The following GABRA3 variants were observed in gnomAD, a reference collection of about 807,000 sequenced individuals.
GABRA3 encodes gamma-aminobutyric acid receptor subunit alpha-3.
In GABRA3, 10 loss-of-function variants were observed where a neutral mutation model predicts 30.1. The ratio of observed to expected loss-of-function variants is 0.33; its 90% confidence interval spans 0.20 to 0.56. The LOEUF (loss-of-function observed/expected upper bound fraction) is 0.56, where lower values mean the gene tolerates loss of function less well. GABRA3 is among the 20% of genes least tolerant of loss of function. GABRA3 has a pLI of 0.89. For missense variants in GABRA3, 233 were observed against 392.0 expected, an observed-to-expected ratio of 0.59 and a Z score of 3.42; for synonymous variants, 151 against 146.8, an observed-to-expected ratio of 1.03 and a Z score of -0.21.
intron 3 of GABRA3, among the ~76,000 whole-genome samples, chrX:152,304,864 T>C (rs999677858): frequency 8.9e-6 from 1 of 111,869 alleles, no homozygotes; most frequent in African/African-American, 3.2e-5. Context: ...TAGCTTGATA[T>C]AGGAATAGTG....
chrX:152,449,616 T>C (rs1195947413), intron 1 of GABRA3, among the ~76,000 whole-genome samples: 2 of 110,782 alleles, frequency 1.8e-5, no homozygotes, highest in East Asian at 5.7e-4. Context: ...CCAGGCTGAG[T>C]TGCTGTTACT....
rs371322783 is a variant in GABRA3 at position 152,289,413 on chromosome X, G to A, written c.263-4678C>T. On this transcript the variant is annotated intron_variant, in intron 3 of 9. Coordinates refer to ENST00000370314, the MANE Select transcript of GABRA3 (RefSeq NM_000808.4). ...GAAAGTGATCCTTGTACCCCTGTCTGCTCTTCTTGTTTCTTTCCATACTAA... is the reference window on the plus strand; with the variant it reads ...GAAAGTGATCCTTGTACCCCTGTCTACTCTTCTTGTTTCTTTCCATACTAA... 4.7e-3 allele frequency among the ~76,000 whole-genome samples: 511 copies of A among 108,530 alleles called. 3 individuals are homozygous for A. Among genetic ancestry groups the A allele is most frequent in the African/African-American group, 0.016 (484 of 29,843 alleles). The allele number at this position is 108,530 out of a possible 115,157, so 94.2% of individuals were successfully genotyped here.
At chrX:152,338,326 GTCT>G (rs1310447350) in intron 3 of GABRA3, among the ~76,000 whole-genome samples, 8 of 112,102 alleles carry the variant, frequency 7.1e-5, no homozygotes, top group Non-Finnish European at 9.4e-5. Flanking sequence ...CCATTTGTAT[GTCT>G]TCTTCTGAGA....
Position 152,241,643 on chromosome X carries a change from T to C in GABRA3, c.551+14135A>G, listed in dbSNP as rs896834337. 1.2e-4 allele frequency among the ~76,000 whole-genome samples: 13 copies of C among 109,201 alleles called. 1 individual carries two copies. The highest frequency in any genetic ancestry group is 1.9e-4 in the Non-Finnish European group (10 of 52,014). 94.8% of individuals were successfully genotyped at this position (109,201 alleles called of 115,157 possible). ...GCAGTTTGATCTCAGACTGCTGTGC[T>C]AGCAATCAGCGAGATTCCGTGGGCG... On this transcript the variant is annotated intron_variant, in intron 5 of 9. Transcript: ENST00000370314.
intron 9 of GABRA3, among the ~76,000 whole-genome samples, chrX:152,179,511 T>G (rs1937117512): frequency 9.3e-6 from 1 of 108,065 alleles, no homozygotes; most frequent in African/African-American, 3.4e-5. Context: ...TTTTTTTTTT[T>G]TGAGATGGAG....
At chrX:152,290,514 T>A (rs1215384902) in intron 3 of GABRA3, among the ~76,000 whole-genome samples, 1 of 112,159 alleles carries the variant, frequency 8.9e-6, no homozygotes, top group Non-Finnish European at 1.9e-5. Flanking sequence ...GCTCTTTAGT[T>A]TAATTAGATC....
At chrX:152,381,164 G>A (rs1929134111) in intron 1 of GABRA3, among the ~76,000 whole-genome samples, 1 of 111,852 alleles carries the variant, frequency 8.9e-6, no homozygotes, top group Non-Finnish European at 1.9e-5. Context: ...CTGACACCAT[G>A]CTTCTTGCAC....
At chrX:152,418,129 C>T (rs887825140) in intron 1 of GABRA3, among the ~76,000 whole-genome samples, 4 of 110,781 alleles carry the variant, frequency 3.6e-5, no homozygotes, top group African/African-American at 6.6e-5. Flanking sequence ...CTAATAGTAC[C>T]GGCCATCAGA....
At chrX:152,319,982 TC>T (rs751772033) in intron 3 of GABRA3, among the ~76,000 whole-genome samples, 4 of 110,829 alleles carry the variant, frequency 3.6e-5, no homozygotes, top group Admixed American at 9.6e-5. Flanking sequence ...ATGCTCAACA[TC>T]ACTAATGATC....
intron 4 of GABRA3, among the ~76,000 whole-genome samples, chrX:152,266,362 T>C (rs776815265): frequency 8.9e-6 from 1 of 111,742 alleles, no homozygotes; most frequent in Non-Finnish European, 1.9e-5. Context: ...AGCATATCTA[T>C]AGAATGAAAG....
intron 7 of GABRA3, among the ~76,000 whole-genome samples, chrX:152,207,623 G>T (rs897375418): frequency 8.9e-6 from 1 of 112,071 alleles, no homozygotes; most frequent in Non-Finnish European, 1.9e-5. Context: ...CACAGGCTGA[G>T]TTAAGCAATT....
chrX:152,294,615 G>A (rs1226514584), intron 3 of GABRA3, among the ~76,000 whole-genome samples: 1 of 111,166 alleles, frequency 9.0e-6, no homozygotes, highest in Non-Finnish European at 1.9e-5. Flanking sequence ...CCACCCTTCT[G>A]AAGCCTACTT....
intron 3 of GABRA3, among the ~76,000 whole-genome samples, chrX:152,306,718 A>C (rs1939725449): frequency 1.8e-5 from 2 of 112,306 alleles, no homozygotes. Context: ...AACAAAACAA[A>C]ACCGTACCTT....
At chrX:152,330,864 G>C (rs779293271) in intron 3 of GABRA3, among the ~76,000 whole-genome samples, 2 of 111,161 alleles carry the variant, frequency 1.8e-5, no homozygotes, top group South Asian at 7.6e-4. Context: ...AAAGAAAACT[G>C]TTTCCTATGT....
chrX:152,450,992 G>A lies in GABRA3; in HGVS notation c.-27+154C>T, dbSNP rs891513362. ...AGATGCCGCCTCTGGGCTTCCACCA[G>A]CCCCACTGGGGAACCCAGGATAGCA... On this transcript the variant is annotated intron_variant, in intron 1 of 9. Coordinates refer to ENST00000370314, the MANE Select transcript of GABRA3 (RefSeq NM_000808.4). Among the ~76,000 whole-genome samples, 4 of 113,076 alleles carry A rather than the reference G, an allele frequency of 3.5e-5. No homozygotes were observed. In the East Asian group the frequency reaches 1.1e-3, roughly 32 times the overall value.
rs73623026 is a variant in GABRA3 at position 152,285,842 on chromosome X, C to T, written c.263-1107G>A. Among the ~76,000 whole-genome samples the T allele has an allele frequency of 8.0e-3, 867 of 107,816 alleles. 12 individuals are homozygous for T. The highest frequency in any genetic ancestry group is 0.028 in the African/African-American group (833 of 29,646). The allele number at this position is 107,816 out of a possible 115,157, so 93.6% of individuals were successfully genotyped here. A position where few individuals can be genotyped will look rare whatever the true frequency, so the allele number is the denominator to read the frequency against. On this transcript the variant is annotated intron_variant, in intron 3 of 9. Transcript: ENST00000370314. ...CTAATCCCAATCATGAGGGTGGAGC[C>T]CTCCTGACCTAATCGCCTTCTAAAG...
intron 5 of GABRA3, among the ~76,000 whole-genome samples, chrX:152,231,819 T>A (rs1938086293): frequency 8.9e-6 from 1 of 111,840 alleles, no homozygotes; most frequent in Non-Finnish European, 1.9e-5. Context: ...TACAATGGAA[T>A]GTTAATCATC....
chrX:152,412,994 CTA>C (rs1930110757), intron 1 of GABRA3, among the ~76,000 whole-genome samples: 1 of 111,225 alleles, frequency 9.0e-6, no homozygotes. Context: ...AGACACGACT[CTA>C]TGAAACCAAG....
intron 1 of GABRA3, among the ~76,000 whole-genome samples, chrX:152,387,636 C>A (rs1399275540): frequency 1.8e-5 from 2 of 111,401 alleles, no homozygotes; most frequent in African/African-American, 6.5e-5. Context: ...GTCCTATGCA[C>A]AGTTGAATAA....
Sources: gnomAD v4.1 joint callset for allele counts (sites outside exome capture counted in the v4.1 genomes callset) on GRCh38, gnomAD v4.1.1 for gene constraint, MANE v1.5 for transcripts, NCBI Gene and HGNC (gene_info 2026-07-23, HGNC 2026-07-21) for gene names.